The following APOM variants were observed in gnomAD, a reference collection of about 807,000 sequenced individuals.
The protein encoded by APOM is NG20-like protein.
APOM carries 24 observed loss-of-function variants against 23.5 expected under a neutral mutation model. The observed-to-expected ratio is 1.02, with a 90% CI of 0.74 to 1.44. The LOEUF (loss-of-function observed/expected upper bound fraction) is 1.44. Among genes scored for constraint, APOM ranks in the 40% most tolerant of loss-of-function variants. The probability of loss-of-function intolerance (pLI) is 0.00; values close to 1 mark genes in which losing one functional copy is unlikely to be tolerated. For synonymous variants in APOM, 82 were observed against 84.1 expected (o/e 0.97, Z 0.14); for missense variants, 200 against 233.2 (o/e 0.86, Z 0.93).
chr6:31,656,638 G>C lies in APOM; in HGVS notation c.269+12G>C. ...GCTACCATCCGCATGTGAGTGGTAAGGAGGCAGAAGCATCACTGGGTTCAG... is the reference window on the plus strand; with the variant it reads ...GCTACCATCCGCATGTGAGTGGTAACGAGGCAGAAGCATCACTGGGTTCAG... On this transcript the variant is annotated intron_variant, in intron 2 of 5. Coordinates refer to ENST00000375916, the MANE Select transcript of APOM (RefSeq NM_019101.3). 1 of 1,612,184 alleles carries C rather than the reference G, an allele frequency of 6.2e-7. No homozygotes were observed. The highest frequency in any genetic ancestry group is 8.5e-7 in the Non-Finnish European group (1 of 1,178,960).
At chr6:31,656,261 T>G (rs182947053) in intron 1 of APOM, among the ~76,000 whole-genome samples, 181 bp downstream of exon 1, 6 of 151,620 alleles carry the variant, frequency 4.0e-5, no homozygotes, top group Admixed American at 3.9e-4. Context: ...CATGGCAGAA[T>G]TGGGGGGTGG....
At chr6:31,657,503 G>GTTC (rs1562004731) in intron 4 of APOM, 25 bp downstream of exon 4, 1 of 1,611,406 alleles carries the variant, frequency 6.2e-7, no homozygotes, top group Non-Finnish European at 8.5e-7. Context: ...AAGGCAGGAA[G>GTTC]GGTTGGAGGG....
chr6:31,654,231 C>T (rs1005862242), upstream of APOM, among the ~76,000 whole-genome samples: 4 of 135,390 alleles, frequency 3.0e-5, no homozygotes, highest in Non-Finnish European at 4.6e-5. Context: ...GGCAACAGAA[C>T]GAGACTCCCA....
At chr6:31,652,578 G>A (rs1798657678), upstream of APOM, 1 of 152,292 alleles carries the variant, frequency 6.6e-6, no homozygotes, top group Admixed American at 6.5e-5. Context: ...GAGTCGGGCC[G>A]GGGCCGGCCT....
Position 31,656,523 on chromosome 6 carries a change from A to G in APOM, c.166A>G (p.Thr56Ala), listed in dbSNP as rs1248933179. The G allele has an allele frequency of 6.2e-7, 1 of 1,614,112 alleles. No individual in the cohort carries two copies. Among genetic ancestry groups the G allele is most frequent in the African/African-American group, 1.3e-5 (1 of 75,012 alleles). The part of the protein sequence containing the change: ...QWYFIAGAAP[T>A]KEELATFDPV... ...GTACTTTATCGCAGGGGCAGCTCCC[A>G]CCAAGGAGGAGTTGGCAACTTTTGA... Residue 56 changes from threonine (T) to alanine (A), a missense_variant, in exon 2 of 6, where the codon ACC becomes GCC. Transcript: ENST00000375916.
At chr6:31,656,364 G>A in intron 1 of APOM, 108 bp from the exon 2 acceptor site, 1 of 1,202,798 alleles carries the variant, frequency 8.3e-7, no homozygotes. Context: ...GAAAGAGGAA[G>A]GCAGCCAACA....
Position 31,656,014 on chromosome 6 carries a change from C to T in APOM, c.48C>T (p.Ile16=), listed in dbSNP as rs1187885656. The change falls in exon 1 of 6, where the codon ATC becomes ATT. Residue 16 remains isoleucine, a synonymous_variant. Coordinates refer to ENST00000375916, the MANE Select transcript of APOM (RefSeq NM_019101.3). The stretch of plus-strand genomic sequence containing the variant: ...CTCTGCTCTACTTCTATGGTATTAT[C>T]CTTAACTCCATCTACCAGTGCCCTG... ...WAALLYFYGI[I]LNSIYQCPEH... is the part of the protein sequence containing the mutation. 1.9e-6 allele frequency: 3 copies of T among 1,599,922 alleles called. No individual in the cohort carries two copies. The highest frequency in any genetic ancestry group is 2.6e-6 in the Non-Finnish European group (3 of 1,173,366).
At chr6:31,653,942 T>G (rs905574118), upstream of APOM, among the ~76,000 whole-genome samples, 2 of 152,136 alleles carry the variant, frequency 1.3e-5, no homozygotes, top group South Asian at 4.1e-4. Context: ...TGAGCTACTG[T>G]GCCTAACCAC....
intron 2 of APOM, 50 bp downstream of exon 2, chr6:31,656,676 G>T: frequency 6.3e-7 from 1 of 1,588,488 alleles, no homozygotes. Flanking sequence ...TCTGCCCAAA[G>T]TGTGAGAATC....
At chr6:31,654,011 A>C (rs1441148077), upstream of APOM, among the ~76,000 whole-genome samples, 3 of 151,994 alleles carry the variant, frequency 2.0e-5, no homozygotes, top group Non-Finnish European at 4.4e-5. Flanking sequence ...ACTTGGGAGG[A>C]TGAGGCGGGT....
rs200256338 is a variant in APOM at position 31,658,054 on chromosome 6, C to G, written c.542-10C>G. On this transcript the variant is annotated splice_polypyrimidine_tract_variant and intron_variant, in intron 5 of 5. Transcript: ENST00000375916. ...CCTTCTGTCCTTCTTTTTCCCTCCC[C>G]CCATCACAGAGGCCTGTGAGCTGTC... is the stretch of plus-strand genomic sequence containing the variant. 4.2e-5 allele frequency: 67 copies of G among 1,614,128 alleles called. No homozygotes were observed. The highest frequency in any genetic ancestry group is 2.2e-5 in the East Asian group (1 of 44,880).
chr6:31,656,261 T>C (rs182947053), intron 1 of APOM, among the ~76,000 whole-genome samples, 181 bp downstream of exon 1: 2 of 151,502 alleles, frequency 1.3e-5, no homozygotes, highest in Admixed American at 6.6e-5. Flanking sequence ...CATGGCAGAA[T>C]TGGGGGGTGG....
In APOM at chr6:31,657,731, G is replaced by A. The variant is rs1296134294; in HGVS notation, c.541+8G>A. The A allele has an allele frequency of 1.2e-6, 2 of 1,605,944 alleles. No homozygotes were observed. Among genetic ancestry groups the A allele is most frequent in the African/African-American group, 2.7e-5 (2 of 74,648 alleles). On this transcript the variant is annotated splice_region_variant and intron_variant, in intron 5 of 5. Coordinates refer to ENST00000375916, the MANE Select transcript of APOM (RefSeq NM_019101.3). ...TGACTCCTAGGAATCAAGGTAAGGG[G>A]TTAAAATCTCATAAAACAGGATTAG...
chr6:31,658,200 T>C lies in APOM; in HGVS notation c.*111T>C, dbSNP rs1043689928. ...CCACTCAAGATAATAAAGATAATTTTTCAATCCTCATCTCATTCTGGGGTT... is the reference window on the plus strand; with the variant it reads ...CCACTCAAGATAATAAAGATAATTTCTCAATCCTCATCTCATTCTGGGGTT... On this transcript the variant is annotated 3_prime_UTR_variant, in exon 6 of 6. Coordinates refer to ENST00000375916, the MANE Select transcript of APOM (RefSeq NM_019101.3). 6.2e-6 allele frequency: 8 copies of C among 1,293,110 alleles called. No individual in the cohort carries two copies. The highest frequency in any genetic ancestry group is 9.0e-6 in the Non-Finnish European group (8 of 891,894). The allele number at this position is 1,293,110 out of a possible 1,614,324, so 80.1% of individuals were successfully genotyped here. A position where few individuals can be genotyped will look rare whatever the true frequency, so the allele number is the denominator to read the frequency against.
At chr6:31,657,916 G>C (rs1800314592) in intron 5 of APOM, 148 bp from the exon 6 acceptor site, 2 of 983,256 alleles carry the variant, frequency 2.0e-6, no homozygotes, top group Non-Finnish European at 3.2e-6. Context: ...AGGGGGCAGA[G>C]GGTCATACGT....
Position 31,657,291 on chromosome 6 carries a change from A to C in APOM, c.336A>C (p.Arg112Ser), listed in dbSNP as rs776260881. 6.2e-7 allele frequency: 1 copy of C among 1,612,982 alleles called. No individual in the cohort carries two copies. Among genetic ancestry groups the C allele is most frequent in the Non-Finnish European group, 8.5e-7 (1 of 1,180,044 alleles). ...YHLTEGSTDL[R>S]TEGRPDMKTE... is the part of the protein sequence containing the mutation. Reference sequence around the variant, plus strand: ...TGACTGAAGGGAGCACAGATCTCAGAACTGAAGGTTGGTTCTTCCCAGCCC... The same window carrying C: ...TGACTGAAGGGAGCACAGATCTCAGCACTGAAGGTTGGTTCTTCCCAGCCC... Residue 112 changes from arginine (R) to serine (S), a missense_variant, in exon 3 of 6, where the codon AGA becomes AGC. Arg to Ser is a moderately radical substitution (Grantham distance 110, BLOSUM62 -1). Coordinates refer to ENST00000375916, the MANE Select transcript of APOM (RefSeq NM_019101.3).
upstream of APOM, among the ~76,000 whole-genome samples, chr6:31,653,033 A>G (rs1309094890): frequency 2.6e-5 from 4 of 151,718 alleles, no homozygotes; most frequent in Admixed American, 2.0e-4. Context: ...GCACTGGTCA[A>G]TTTTGTTCTC....
rs1045823909 is a variant in APOM at position 31,656,004 on chromosome 6, A to G, written c.38A>G (p.Tyr13Cys). 5.6e-6 allele frequency: 9 copies of G among 1,601,372 alleles called. No individual in the cohort carries two copies. Among genetic ancestry groups the G allele is most frequent in the Non-Finnish European group, 6.8e-6 (8 of 1,174,032 alleles). ...ATTTGGGCAGCTCTGCTCTACTTCT[A>G]TGGTATTATCCTTAACTCCATCTAC... ...HQIWAALLYFYGIILNSIYQC... is the reference protein window; with the variant it reads ...HQIWAALLYFCGIILNSIYQC... Residue 13 changes from tyrosine (Y) to cysteine (C), a missense_variant, in exon 1 of 6, where the codon TAT (tyrosine) becomes TGT (cysteine). Transcript: ENST00000375916.
At chr6:31,657,924 C>T (rs1050834057) in intron 5 of APOM, 140 bp from the exon 6 acceptor site, 7 of 1,019,306 alleles carry the variant, frequency 6.9e-6, no homozygotes, top group South Asian at 2.8e-5. Flanking sequence ...GAGGGTCATA[C>T]GTGGAGGGAA....
Sources: gnomAD v4.1 joint callset for allele counts (sites outside exome capture counted in the v4.1 genomes callset) on GRCh38, gnomAD v4.1.1 for gene constraint, MANE v1.5 for transcripts, NCBI Gene and HGNC (gene_info 2026-07-23, HGNC 2026-07-21) for gene names.